GPC6: variants seen among roughly 807,000 people sequenced by gnomAD.
GPC6 encodes the protein glypican-6.
A neutral mutation model predicts 55.2 loss-of-function variants in GPC6; 14 were observed. That is an observed-to-expected ratio of 0.25 (90% CI 0.17 to 0.40). The LOEUF (loss-of-function observed/expected upper bound fraction) is 0.40. GPC6 is among the 10% of genes least tolerant of loss of function. GPC6 has a pLI of 1.00. For synonymous variants in GPC6, 278 were observed against 259.6 expected (o/e 1.07, Z -0.68); for missense variants, 641 against 708.5 (o/e 0.90, Z 1.08).
chr13:93,366,886 A>T (rs1881270135), intron 1 of GPC6, among the ~76,000 whole-genome samples: 1 of 152,062 alleles, frequency 6.6e-6, no homozygotes, highest in Non-Finnish European at 1.5e-5. Context: ...CTAAACTCCT[A>T]GTCTGTTTTT....
chr13:93,601,436 A>G (rs1178017005), intron 2 of GPC6, among the ~76,000 whole-genome samples: 1 of 152,150 alleles, frequency 6.6e-6, no homozygotes, highest in African/African-American at 2.4e-5. Flanking sequence ...GTATATATGG[A>G]CCACTTACTT....
At chr13:93,854,107 GTTTC>G (rs1409649509) in intron 3 of GPC6, among the ~76,000 whole-genome samples, 1 of 151,612 alleles carries the variant, frequency 6.6e-6, no homozygotes, top group Non-Finnish European at 1.5e-5. Flanking sequence ...AGGTTGGGGT[GTTTC>G]TTTCAAATTA....
intron 1 of GPC6, among the ~76,000 whole-genome samples, chr13:93,272,977 G>A (rs1219487409): frequency 6.6e-6 from 1 of 152,168 alleles, no homozygotes; most frequent in Non-Finnish European, 1.5e-5. Context: ...CATTAAAAAT[G>A]TAGGACAAAG....
At chr13:93,907,120 G>A (rs1488998069) in intron 3 of GPC6, among the ~76,000 whole-genome samples, 10 of 151,984 alleles carry the variant, frequency 6.6e-5, no homozygotes, top group Non-Finnish European at 1.3e-4. Context: ...TTTCTTGTGG[G>A]AAATTTATGT....
At chr13:93,851,610 A>C (rs776310339) in intron 3 of GPC6, among the ~76,000 whole-genome samples, 2 of 151,898 alleles carry the variant, frequency 1.3e-5, no homozygotes, top group African/African-American at 2.4e-5. Context: ...ACCTTTAAAT[A>C]TATCTCGGGA....
At chr13:93,801,112 T>C (rs1424769681) in intron 2 of GPC6, among the ~76,000 whole-genome samples, 3 of 152,160 alleles carry the variant, frequency 2.0e-5, no homozygotes, top group African/African-American at 7.2e-5. Context: ...TGATACCTGT[T>C]TGGTAAAAAT....
chr13:93,512,981 G>A (rs1425451286), intron 1 of GPC6, among the ~76,000 whole-genome samples: 1 of 152,144 alleles, frequency 6.6e-6, no homozygotes. Context: ...CATTTAACTT[G>A]AGTAAATTAG....
intron 3 of GPC6, among the ~76,000 whole-genome samples, chr13:93,908,171 A>C (rs1223261151): frequency 6.6e-6 from 1 of 152,252 alleles, no homozygotes; most frequent in Non-Finnish European, 1.5e-5. Flanking sequence ...TTGTAGCCAC[A>C]TAGATTTCTG....
At chr13:93,426,047 C>T (rs1371435211) in intron 1 of GPC6, among the ~76,000 whole-genome samples, 1 of 152,158 alleles carries the variant, frequency 6.6e-6, no homozygotes, top group East Asian at 1.9e-4. Context: ...AAACTTCTTC[C>T]TCACTTAGAG....
intron 2 of GPC6, among the ~76,000 whole-genome samples, chr13:93,732,823 G>A (rs1883875431): frequency 6.7e-6 from 1 of 150,040 alleles, no homozygotes; most frequent in Admixed American, 6.7e-5. Flanking sequence ...TAAAAAGAAA[G>A]AGGAGAAATT....
At chr13:93,569,853 A>T (rs1440042740) in intron 2 of GPC6, among the ~76,000 whole-genome samples, 1 of 152,088 alleles carries the variant, frequency 6.6e-6, no homozygotes, top group Non-Finnish European at 1.5e-5. Context: ...ATTTGTGTGA[A>T]AATAAATTAA....
rs377560714 is a variant in GPC6 at position 94,175,937 on chromosome 13, CATATATAT to C, written c.878-110400_878-110393del. 1.0e-4 allele frequency among the ~76,000 whole-genome samples: 13 copies of C among 127,882 alleles called. 1 individual carries two copies. Among genetic ancestry groups the C allele is most frequent in the African/African-American group, 3.8e-4 (13 of 33,954 alleles). 83.9% of individuals were successfully genotyped at this position (127,882 alleles called of 152,430 possible). A position where few individuals can be genotyped will look rare whatever the true frequency, so the allele number is the denominator to read the frequency against. On this transcript the variant is annotated intron_variant, in intron 4 of 8. Coordinates refer to ENST00000377047, the MANE Select transcript of GPC6 (RefSeq NM_005708.5). ...CCCAAAAGGGAGTATCCAAATGAGC[CATATATAT>C]ATATATATATAGAGAGAGAGAGAGA... is the stretch of plus-strand genomic sequence containing the variant.
chr13:93,348,546 A>G (rs978157146), intron 1 of GPC6, among the ~76,000 whole-genome samples: 1 of 152,236 alleles, frequency 6.6e-6, no homozygotes, highest in Non-Finnish European at 1.5e-5. Context: ...AGTATCAGGC[A>G]CTGCAATCCA....
At chr13:94,255,171 T>A (rs1175897609) in intron 4 of GPC6, among the ~76,000 whole-genome samples, 1 of 152,192 alleles carries the variant, frequency 6.6e-6, no homozygotes, top group African/African-American at 2.4e-5. Context: ...ATTGATCCTT[T>A]TAGTGCAAAA....
At chr13:93,873,971 G>T (rs1487920990) in intron 3 of GPC6, among the ~76,000 whole-genome samples, 1 of 151,864 alleles carries the variant, frequency 6.6e-6, no homozygotes, top group African/African-American at 2.4e-5. Flanking sequence ...ATCATGTCTT[G>T]CCTGGATTCT....
At chr13:93,328,061 T>G (rs1454792631) in intron 1 of GPC6, among the ~76,000 whole-genome samples, 1 of 152,134 alleles carries the variant, frequency 6.6e-6, no homozygotes, top group African/African-American at 2.4e-5. Flanking sequence ...GATTACATAT[T>G]TTTATTCCTT....
chr13:93,357,647 T>C (rs1880897012), intron 1 of GPC6, among the ~76,000 whole-genome samples: 1 of 151,890 alleles, frequency 6.6e-6, no homozygotes, highest in African/African-American at 2.4e-5. Context: ...AAAATCAGCC[T>C]GAGCAACATG....
At chr13:93,575,927 A>G (rs1283405214) in intron 2 of GPC6, among the ~76,000 whole-genome samples, 4 of 152,114 alleles carry the variant, frequency 2.6e-5, no homozygotes, top group Non-Finnish European at 5.9e-5. Context: ...TTTTTCAACC[A>G]ACAATTTAGT....
At chr13:93,661,399 A>T (rs1880914718) in intron 2 of GPC6, among the ~76,000 whole-genome samples, 1 of 152,114 alleles carries the variant, frequency 6.6e-6, no homozygotes, top group African/African-American at 2.4e-5. Flanking sequence ...TTTTTAGTAC[A>T]GACAGGTATT....
Sources: allele counts gnomAD v4.1 joint callset (sites outside exome capture counted in the v4.1 genomes callset), GRCh38; gene constraint gnomAD v4.1.1; transcripts MANE v1.5; gene names NCBI Gene and HGNC (gene_info 2026-07-23, HGNC 2026-07-21).